EXOC6B: variants seen among roughly 807,000 people sequenced by gnomAD.
EXOC6B encodes the protein exocyst complex component 6B, also known as SEC15 homolog B.
EXOC6B carries 54 observed loss-of-function variants against 113.5 expected under a neutral mutation model. The observed-to-expected ratio is 0.48, with a 90% confidence interval of 0.38 to 0.60. The LOEUF (loss-of-function observed/expected upper bound fraction) is 0.60. Ranked by LOEUF, EXOC6B falls within the 20% of genes least tolerant of loss-of-function variation. The pLI, the probability that EXOC6B is intolerant of heterozygous loss-of-function variation, is 0.00. For missense variants in EXOC6B, 797 were observed against 977.5 expected (o/e 0.82, Z 2.46); for synonymous variants, 357 against 339.0 (o/e 1.05, Z -0.58).
intron 17 of EXOC6B, among the ~76,000 whole-genome samples, chr2:72,468,204 TA>T (rs1019652275): frequency 6.0e-5 from 9 of 150,294 alleles, no homozygotes; most frequent in African/African-American, 9.7e-5. Context: ...GGTCATAGCT[TA>T]AAAAAAAAAT....
At chr2:72,645,308 C>A (rs913276481) in intron 6 of EXOC6B, among the ~76,000 whole-genome samples, 8 of 152,142 alleles carry the variant, frequency 5.3e-5, no homozygotes, top group Non-Finnish European at 1.0e-4. Flanking sequence ...TAGAGACCTA[C>A]AAAGAGACTT....
At chr2:72,674,560 G>A (rs890293044) in intron 6 of EXOC6B, among the ~76,000 whole-genome samples, 3 of 152,126 alleles carry the variant, frequency 2.0e-5, no homozygotes, top group African/African-American at 4.8e-5. Flanking sequence ...GGCCGGGCGC[G>A]GTGGCTCACG....
At chr2:72,407,477 G>A (rs1223667366) in intron 18 of EXOC6B, among the ~76,000 whole-genome samples, 1 of 152,134 alleles carries the variant, frequency 6.6e-6, no homozygotes, top group African/African-American at 2.4e-5. Context: ...TAAAATACTG[G>A]CAAACTGAAT....
rs149827460 is a variant in EXOC6B, at chr2:72,545,712, A to C, written c.915+13741T>G. 7.9e-3 allele frequency among the ~76,000 whole-genome samples: 1,202 copies of C among 152,308 alleles called. 53 individuals carry two copies. Among genetic ancestry groups the C allele is most frequent in the Admixed American group, 0.069 (1,052 of 15,296 alleles). On this transcript the variant is annotated intron_variant, in intron 8 of 21. Coordinates refer to ENST00000272427, the MANE Select transcript of EXOC6B (RefSeq NM_015189.3). ...TAAAATCCAAGATGCTATTATGTTA[A>C]TATATATAAACAACAACCCTTCAAA...
chr2:72,250,217 A>G (rs547985923), intron 20 of EXOC6B, among the ~76,000 whole-genome samples: 2 of 152,332 alleles, frequency 1.3e-5, no homozygotes, highest in East Asian at 3.9e-4. Context: ...TTCTTGTATA[A>G]GCACGGTACC....
chr2:72,627,675 AT>A (rs889846369), intron 6 of EXOC6B, among the ~76,000 whole-genome samples: 1 of 152,038 alleles, frequency 6.6e-6, no homozygotes, highest in African/African-American at 2.4e-5. Flanking sequence ...GCAGAAGGCT[AT>A]TTTTTTTCCA....
chr2:72,369,679 A>C (rs1477725192), intron 19 of EXOC6B, among the ~76,000 whole-genome samples: 2 of 152,206 alleles, frequency 1.3e-5, no homozygotes, highest in African/African-American at 4.8e-5. Flanking sequence ...GACCAATGGA[A>C]CAGAACAGAG....
chr2:72,720,060 C>CA (rs1433264913), intron 5 of EXOC6B, among the ~76,000 whole-genome samples: 2 of 151,952 alleles, frequency 1.3e-5, no homozygotes, highest in Admixed American at 6.6e-5. Flanking sequence ...ATATATTTAC[C>CA]AAATTTATAG....
chr2:72,423,633 T>C (rs1281871517), intron 18 of EXOC6B, among the ~76,000 whole-genome samples: 1 of 152,070 alleles, frequency 6.6e-6, no homozygotes, highest in Non-Finnish European at 1.5e-5. Flanking sequence ...AGCTACCACC[T>C]CCAGTGAAAA....
intron 19 of EXOC6B, among the ~76,000 whole-genome samples, chr2:72,343,837 ATC>A (rs1490978136): frequency 6.6e-6 from 1 of 152,138 alleles, no homozygotes; most frequent in Non-Finnish European, 1.5e-5. Context: ...AATAAAAAAA[ATC>A]TGCAAATCTT....
intron 6 of EXOC6B, among the ~76,000 whole-genome samples, chr2:72,648,370 G>A (rs1012485930): frequency 2.5e-4 from 38 of 152,302 alleles, no homozygotes; most frequent in African/African-American, 9.1e-4. Flanking sequence ...AAGACAGTGT[G>A]GCGATTCCTC....
rs545763599 is a variant in EXOC6B at position 72,333,534 on chromosome 2, T to C, written c.2196+1413A>G. Among the ~76,000 whole-genome samples the C allele has an allele frequency of 2.6e-5, 4 of 152,262 alleles. No homozygotes were observed. In the South Asian group the frequency reaches 8.3e-4, roughly 32 times the overall value. On this transcript the variant is annotated intron_variant, in intron 20 of 21. Coordinates refer to ENST00000272427, the MANE Select transcript of EXOC6B (RefSeq NM_015189.3). ...CCAACAGATATCACTCCACAAACCC[T>C]AAACCAAAATCCCAATCTTTCAATC...
At chr2:72,685,386 T>TTA (rs1273087777) in intron 6 of EXOC6B, among the ~76,000 whole-genome samples, 1 of 152,176 alleles carries the variant, frequency 6.6e-6, no homozygotes, top group Non-Finnish European at 1.5e-5. Context: ...TGTGTGCTAC[T>TTA]TAGCAGTGGG....
intron 8 of EXOC6B, among the ~76,000 whole-genome samples, chr2:72,538,787 G>T (rs1047234290): frequency 3.3e-5 from 5 of 152,222 alleles, no homozygotes; most frequent in African/African-American, 1.2e-4. Flanking sequence ...CAACAATACA[G>T]TACAATGCAA....
intron 6 of EXOC6B, among the ~76,000 whole-genome samples, chr2:72,702,949 G>C (rs1678544326): frequency 6.6e-6 from 1 of 152,036 alleles, no homozygotes; most frequent in Non-Finnish European, 1.5e-5. Flanking sequence ...TGTCAATTTT[G>C]TCTTTTGTTG....
intron 1 of EXOC6B, among the ~76,000 whole-genome samples, chr2:72,754,434 A>G (rs748307186): frequency 2.0e-5 from 3 of 150,868 alleles, no homozygotes; most frequent in Non-Finnish European, 4.4e-5. Context: ...GTCTTGCTAC[A>G]TTGCCCAGGG....
At chr2:72,444,723 G>C (rs1327523401) in intron 18 of EXOC6B, among the ~76,000 whole-genome samples, 2 of 152,236 alleles carry the variant, frequency 1.3e-5, no homozygotes, top group Non-Finnish European at 2.9e-5. Flanking sequence ...AGCTTGGCCA[G>C]TTTTATTCAT....
At chr2:72,756,231 C>A (rs1682405703) in intron 1 of EXOC6B, among the ~76,000 whole-genome samples, 1 of 152,072 alleles carries the variant, frequency 6.6e-6, no homozygotes, top group Non-Finnish European at 1.5e-5. Context: ...TCATAGGGAG[C>A]TGAACAAAGG....
intron 20 of EXOC6B, among the ~76,000 whole-genome samples, chr2:72,333,487 A>G (rs1446772925): frequency 1.3e-5 from 2 of 152,166 alleles, no homozygotes; most frequent in Admixed American, 6.6e-5. Context: ...TTCTGAGAAG[A>G]AACAGGAGGG....
Sources: allele counts gnomAD v4.1 joint callset (sites outside exome capture counted in the v4.1 genomes callset), GRCh38; gene constraint gnomAD v4.1.1; transcripts MANE v1.5; gene names NCBI Gene and HGNC (gene_info 2026-07-23, HGNC 2026-07-21).